The following NRXN3 variants were observed in gnomAD, a reference collection of about 807,000 sequenced individuals.
NRXN3 encodes neurexin 3.
A neutral mutation model predicts 137.6 loss-of-function variants in NRXN3; 32 were observed. The ratio of observed to expected loss-of-function variants is 0.23; its 90% CI spans 0.18 to 0.31. NRXN3 has a LOEUF of 0.31. Ranked by LOEUF, NRXN3 falls within the 10% of genes least tolerant of loss-of-function variation. NRXN3 has a pLI of 1.00. For missense variants in NRXN3, 1,574 were observed against 2,062.5 expected (o/e 0.76, Z 4.59); for synonymous variants, 798 against 784.5 (o/e 1.02, Z -0.29).
At chr14:79,764,171 G>T (rs1027535416) in intron 19 of NRXN3, among the ~76,000 whole-genome samples, 5 of 147,786 alleles carry the variant, frequency 3.4e-5, no homozygotes, top group Admixed American at 6.8e-5. Flanking sequence ...TGGGTGGGGG[G>T]GGTGTTAAGA....
chr14:78,865,698 A>G (rs1466068314), intron 10 of NRXN3, among the ~76,000 whole-genome samples: 2 of 152,116 alleles, frequency 1.3e-5, no homozygotes, highest in African/African-American at 4.8e-5. Context: ...TAAAGTGAAT[A>G]TCTCTGAAAT....
chr14:78,419,957 G>GCACACA (rs1555518579), intron 4 of NRXN3, among the ~76,000 whole-genome samples: 15 of 48,078 alleles, frequency 3.1e-4, no homozygotes, highest in South Asian at 1.1e-3. Context: ...GCGCGCGCGC[G>GCACACA]CACGCACACA....
intron 16 of NRXN3, among the ~76,000 whole-genome samples, chr14:79,628,944 G>C (rs769075533): frequency 2.6e-5 from 4 of 152,144 alleles, no homozygotes; most frequent in Admixed American, 6.5e-5. Flanking sequence ...GTTATTGAAG[G>C]AATTCACCCA....
chr14:79,427,257 T>G (rs931906087), intron 15 of NRXN3, among the ~76,000 whole-genome samples: 1 of 152,198 alleles, frequency 6.6e-6, no homozygotes, highest in South Asian at 2.1e-4. Flanking sequence ...GTGTACCAGA[T>G]GAAAAGCAGA....
At chr14:79,638,386 TAAAGCCC>T (rs2098416489) in intron 16 of NRXN3, among the ~76,000 whole-genome samples, 1 of 152,134 alleles carries the variant, frequency 6.6e-6, no homozygotes, top group Admixed American at 6.5e-5. Context: ...CTTCTTTGGA[TAAAGCCC>T]AAAACACCAT....
At chr14:79,782,970 T>C (rs1555722690) in intron 19 of NRXN3, among the ~76,000 whole-genome samples, 1 of 152,184 alleles carries the variant, frequency 6.6e-6, no homozygotes, top group Non-Finnish European at 1.5e-5. Context: ...TATGTGGCAT[T>C]CAATGTTCAC....
At chr14:78,390,039 A>G (rs2090545049) in intron 4 of NRXN3, among the ~76,000 whole-genome samples, 1 of 152,170 alleles carries the variant, frequency 6.6e-6, no homozygotes, top group African/African-American at 2.4e-5. Flanking sequence ...GAGGTTCTCT[A>G]CTATGTTCAG....
At chr14:78,294,575 A>G (rs113703217) in intron 3 of NRXN3, among the ~76,000 whole-genome samples, 27,212 of 147,862 alleles carry the variant, frequency 0.18, 2,948 homozygotes, top group Non-Finnish European at 0.24. Flanking sequence ...AAAAAAAAAA[A>G]AAAAGAAAAA....
At chr14:78,747,380 T>G (rs1186398279) in intron 8 of NRXN3, among the ~76,000 whole-genome samples, 1 of 152,228 alleles carries the variant, frequency 6.6e-6, no homozygotes, top group Non-Finnish European at 1.5e-5. Flanking sequence ...CTTCCTATTT[T>G]CTCACCAAGG....
chr14:79,715,331 C>G (rs1364767683), intron 19 of NRXN3, among the ~76,000 whole-genome samples: 1 of 152,170 alleles, frequency 6.6e-6, no homozygotes, highest in Non-Finnish European at 1.5e-5. Context: ...AGGCCTCAGC[C>G]AGCTCTCCTA....
chr14:78,448,405 A>G (rs1223571799), intron 4 of NRXN3, among the ~76,000 whole-genome samples: 3 of 152,240 alleles, frequency 2.0e-5, no homozygotes, highest in Non-Finnish European at 4.4e-5. Flanking sequence ...GGGTACTTGC[A>G]TATGCATTAA....
At chr14:79,663,333 C>T (rs1034140968) in intron 16 of NRXN3, among the ~76,000 whole-genome samples, 5 of 152,066 alleles carry the variant, frequency 3.3e-5, no homozygotes, top group Admixed American at 6.6e-5. Context: ...CTGTACACCT[C>T]TGCTTTGCCT....
At chr14:79,032,390 C>T (rs976888303) in intron 15 of NRXN3, among the ~76,000 whole-genome samples, 2 of 152,108 alleles carry the variant, frequency 1.3e-5, no homozygotes, top group Non-Finnish European at 2.9e-5. Context: ...ACAAAGCTCT[C>T]AGCTGATTAG....
At chr14:79,585,697 A>AAAC (rs1555539266) in intron 16 of NRXN3, among the ~76,000 whole-genome samples, 7 of 149,710 alleles carry the variant, frequency 4.7e-5, no homozygotes, top group African/African-American at 1.3e-4. Flanking sequence ...AAAAAAACAA[A>AAAC]AAAAAAAAAA....
rs748207162 is a variant in NRXN3 at position 78,645,185 on chromosome 14, C to T, written c.823C>T (p.Pro275Ser). ...EYLCYDLSQN[P>S]IQSSSDEITL... is the part of the protein sequence containing the mutation. ...TCTGTGCTACGACCTGTCTCAGAAC[C>T]CGATCCAGAGCAGCAGTGATGAAAT... Residue 275 changes from proline (P) to serine (S), a missense_variant, in exon 5 of 21, where the codon CCG (proline) becomes TCG (serine). This residue lies in a region of NRXN3 where 400 missense variants were observed against 527.3 expected (regional missense o/e 0.76). Coordinates refer to ENST00000335750, the MANE Select transcript of NRXN3 (RefSeq NM_001330195.2). 1 of 1,595,422 alleles carries T rather than the reference C, an allele frequency of 6.3e-7. No individual in the cohort carries two copies. The highest frequency in any genetic ancestry group is 1.1e-5 in the South Asian group (1 of 90,194).
Position 79,164,035 on chromosome 14 carries a change from A to G in NRXN3, c.3262+175894A>G, listed in dbSNP as rs757970837. On this transcript the variant is annotated intron_variant, in intron 15 of 20. Transcript: ENST00000335750. ...TTTTATTCTCAGCCTTGTCTTGAAC[A>G]TCTTACTCTGACCTCACTAGCTCTT... is the stretch of plus-strand genomic sequence containing the variant. Among the ~76,000 whole-genome samples, 50 of 152,058 alleles carry G rather than the reference A, an allele frequency of 3.3e-4. No individual in the cohort carries two copies. In the Middle Eastern group the frequency reaches 0.01, roughly 31 times the overall value.
rs1057519451 is a variant in NRXN3 at position 78,709,310 on chromosome 14, A to G, written c.1315A>G (p.Lys439Glu). 3 of 1,613,964 alleles carry G rather than the reference A, an allele frequency of 1.9e-6. No individual in the cohort carries two copies. Among genetic ancestry groups the G allele is most frequent in the Non-Finnish European group, 2.5e-6 (3 of 1,180,006 alleles). The stretch of plus-strand genomic sequence containing the variant: ...GAAAATCTATGGCGAAGTTGTGTTT[A>G]AGTGTGAGAATGTGGCCACACTGGA... ...KMKIYGEVVF[K>E]CENVATLDPI... is the part of the protein sequence containing the mutation. Residue 439 changes from lysine (K) to glutamate (E), a missense_variant, in exon 7 of 21, where the codon AAG (lysine) becomes GAG (glutamate). By Grantham distance (56) the Lys-to-Glu change is moderately conservative. Transcript: ENST00000335750.
intron 15 of NRXN3, among the ~76,000 whole-genome samples, chr14:79,305,298 A>C (rs2085856648): frequency 6.6e-6 from 1 of 152,030 alleles, no homozygotes; most frequent in Non-Finnish European, 1.5e-5. Context: ...TGCTGGTGAA[A>C]TTAACATACA....
intron 15 of NRXN3, among the ~76,000 whole-genome samples, chr14:79,013,879 C>T (rs536284083): frequency 6.6e-6 from 1 of 152,250 alleles, no homozygotes; most frequent in South Asian, 2.1e-4. Context: ...ATGGTAAGTG[C>T]TGTCTGTATT....
Sources: gnomAD v4.1 joint callset for allele counts (sites outside exome capture counted in the v4.1 genomes callset) on GRCh38, gnomAD v4.1.1 for gene constraint, gnomAD v4.1.1 regional missense constraint, MANE v1.5 for transcripts, NCBI Gene and HGNC (gene_info 2026-07-23, HGNC 2026-07-21) for gene names.